PHYHIPL: variants seen among roughly 807,000 people sequenced by gnomAD.
The protein encoded by PHYHIPL is phytanoyl-CoA hydroxylase-interacting protein-like.
Under a neutral mutation model 33.4 loss-of-function variants are expected in PHYHIPL, and 9 were observed. That is an observed-to-expected ratio of 0.27 (90% CI 0.16 to 0.47). The LOEUF is 0.47. Among genes scored for constraint, PHYHIPL ranks in the 20% least tolerant of loss-of-function variants. PHYHIPL has a pLI of 0.99. For synonymous variants in PHYHIPL, 153 were observed against 154.1 expected, an observed-to-expected ratio of 0.99 and a Z score of 0.05; for missense variants, 365 against 460.7, an observed-to-expected ratio of 0.79 and a Z score of 1.90.
At chr10:59,184,155 G>A (rs1370751650) in intron 1 of PHYHIPL, among the ~76,000 whole-genome samples, 1 of 152,130 alleles carries the variant, frequency 6.6e-6, no homozygotes, top group Non-Finnish European at 1.5e-5. Flanking sequence ...ACAGGGGCGT[G>A]CATGTTATGT....
chr10:59,188,987 C>G (rs1336407687), intron 1 of PHYHIPL, among the ~76,000 whole-genome samples: 1 of 151,976 alleles, frequency 6.6e-6, no homozygotes, highest in Non-Finnish European at 1.5e-5. Flanking sequence ...TCCAGGTACA[C>G]TTATAATTCT....
Position 59,245,687 on chromosome 10 carries a change from GCATGCA to G in PHYHIPL, c.*102_*107del. On this transcript the variant is annotated 3_prime_UTR_variant, in exon 5 of 5. Transcript: ENST00000373880. Reference sequence around the variant, plus strand: ...TTATCACCAGATGTTTTCCACTGAAGCATGCACATGCCACTGTCACCAAAACAAACA... The same window carrying G: ...TTATCACCAGATGTTTTCCACTGAAGCATGCCACTGTCACCAAAACAAACA... The G allele has an allele frequency of 1.5e-6, 2 of 1,298,858 alleles. No individual in the cohort carries two copies. The highest frequency in any genetic ancestry group is 3.0e-5 in the South Asian group (2 of 67,756). 80.5% of individuals were successfully genotyped at this position (1,298,858 alleles called of 1,614,324 possible). A position where few individuals can be genotyped will look rare whatever the true frequency, so the allele number is the denominator to read the frequency against.
chr10:59,202,623 A>G (rs1333786909), intron 1 of PHYHIPL, among the ~76,000 whole-genome samples: 3 of 152,186 alleles, frequency 2.0e-5, no homozygotes, highest in Non-Finnish European at 4.4e-5. Flanking sequence ...ATAGTATTAC[A>G]TTTTATAACC....
intron 1 of PHYHIPL, among the ~76,000 whole-genome samples, chr10:59,199,717 C>G (rs558877654): frequency 2.6e-5 from 4 of 152,190 alleles, no homozygotes; most frequent in African/African-American, 9.6e-5. Flanking sequence ...TTGTTTGTAT[C>G]CTCTTTTATT....
chr10:59,205,902 C>T (rs1589273648), intron 1 of PHYHIPL, among the ~76,000 whole-genome samples: 1 of 152,090 alleles, frequency 6.6e-6, no homozygotes, highest in Non-Finnish European at 1.5e-5. Flanking sequence ...GTAAGTTTAG[C>T]CTGTCTTCGG....
chr10:59,209,114 G>C (rs1839371446), intron 1 of PHYHIPL, among the ~76,000 whole-genome samples: 1 of 151,930 alleles, frequency 6.6e-6, no homozygotes, highest in Non-Finnish European at 1.5e-5. Context: ...GCAACTCCAA[G>C]ACACATAATT....
In PHYHIPL at chr10:59,247,494, T is replaced by G; in HGVS notation, c.*1903T>G. The G allele has an allele frequency of 8.1e-7, 1 of 1,234,038 alleles. No homozygotes were observed. The highest frequency in any genetic ancestry group is 1.2e-6 in the Non-Finnish European group (1 of 860,750). The allele number at this position is 1,234,038 out of a possible 1,614,324, so 76.4% of individuals were successfully genotyped here. On this transcript the variant is annotated 3_prime_UTR_variant, in exon 5 of 5. Coordinates refer to ENST00000373880, the MANE Select transcript of PHYHIPL (RefSeq NM_032439.4). ...CTTGCTATTCCTTCTTAAAAACAGC[T>G]AATACTACCACTAAAGTGCTTCCAT...
At chr10:59,233,254 A>G (rs377366866) in intron 1 of PHYHIPL, among the ~76,000 whole-genome samples, 1 of 151,940 alleles carries the variant, frequency 6.6e-6, no homozygotes, top group African/African-American at 2.4e-5. Context: ...AAAAGTTTGT[A>G]TCAATGACTG....
rs575057947 is a variant in PHYHIPL, at chr10:59,179,442, G to C, written c.106+2483G>C. Among the ~76,000 whole-genome samples the C allele has an allele frequency of 3.3e-5, 5 of 152,042 alleles. No homozygotes were observed. The East Asian group carries it at 9.7e-4, about 29-fold the overall frequency. On this transcript the variant is annotated intron_variant, in intron 1 of 4. Transcript: ENST00000373880. Reference sequence around the variant, plus strand: ...ATTTATGATAGAATACATTTATTTTGTTTGCTCTTTTCTCACTTTCTTTTA... The same window carrying C: ...ATTTATGATAGAATACATTTATTTTCTTTGCTCTTTTCTCACTTTCTTTTA...
intron 2 of PHYHIPL, among the ~76,000 whole-genome samples, chr10:59,235,360 T>G (rs576846753): frequency 6.0e-4 from 91 of 152,066 alleles, no homozygotes; most frequent in Non-Finnish European, 1.2e-3. Context: ...AATTAACAGT[T>G]ATCTGCTTTA....
chr10:59,183,227 C>T (rs190612343), intron 1 of PHYHIPL, among the ~76,000 whole-genome samples: 1 of 152,072 alleles, frequency 6.6e-6, no homozygotes, highest in East Asian at 1.9e-4. Context: ...AAACTAACCA[C>T]TTAATAGTTT....
intron 4 of PHYHIPL, among the ~76,000 whole-genome samples, chr10:59,243,037 A>G (rs931115489): frequency 1.3e-5 from 2 of 152,176 alleles, no homozygotes; most frequent in African/African-American, 2.4e-5. Context: ...CAACATAAAC[A>G]TACAGATTCA....
rs1427752880 is a variant in PHYHIPL at position 59,245,156 on chromosome 10, C to T, written c.696C>T (p.Cys232=). Residue 232 remains cysteine (C), a synonymous_variant, in exon 5 of 5, where the codon TGC becomes TGT. Transcript: ENST00000373880. ...AATTAGAAGGCATCTTCTTCAGCTG[C>T]AGCACTGAATTCAATACTGGAAAGC... ...SGKLEGIFFS[C]STEFNTGKPP... The T allele has an allele frequency of 6.2e-7, 1 of 1,614,126 alleles. No individual in the cohort carries two copies. The highest frequency in any genetic ancestry group is 8.5e-7 in the Non-Finnish European group (1 of 1,180,012).
chr10:59,240,636 G>A (rs551575751), intron 4 of PHYHIPL, among the ~76,000 whole-genome samples: 6 of 151,898 alleles, frequency 4.0e-5, no homozygotes, highest in African/African-American at 9.7e-5. Context: ...TATTTGTTAC[G>A]CATAAAATTT....
chr10:59,194,017 A>C (rs1767589409), intron 1 of PHYHIPL, among the ~76,000 whole-genome samples: 1 of 151,682 alleles, frequency 6.6e-6, no homozygotes, highest in African/African-American at 2.4e-5. Context: ...AATACAATTT[A>C]GCTACTTCTT....
At chr10:59,201,650 GC>G (rs1410353314) in intron 1 of PHYHIPL, among the ~76,000 whole-genome samples, 2 of 152,038 alleles carry the variant, frequency 1.3e-5, no homozygotes, top group Admixed American at 6.6e-5. Flanking sequence ...CAGTTCTTGG[GC>G]CAATCCTAAT....
intron 1 of PHYHIPL, among the ~76,000 whole-genome samples, chr10:59,219,883 T>C (rs1020998824): frequency 2.0e-5 from 3 of 152,080 alleles, no homozygotes; most frequent in African/African-American, 7.2e-5. Context: ...AAACACAAAA[T>C]ACAGGTCCCT....
chr10:59,239,712 A>C (rs1178054679), intron 4 of PHYHIPL, among the ~76,000 whole-genome samples: 1 of 152,056 alleles, frequency 6.6e-6, no homozygotes, highest in Non-Finnish European at 1.5e-5. Flanking sequence ...TTTGTAGAAG[A>C]AAATTTGAAG....
chr10:59,241,798 C>G (rs1479405847), intron 4 of PHYHIPL, among the ~76,000 whole-genome samples: 1 of 152,102 alleles, frequency 6.6e-6, no homozygotes, highest in East Asian at 1.9e-4. Context: ...TTACTCTTCA[C>G]TCAAGAAACA....
Sources: allele counts gnomAD v4.1 joint callset (sites outside exome capture counted in the v4.1 genomes callset), GRCh38; gene constraint gnomAD v4.1.1; transcripts MANE v1.5; gene names NCBI Gene and HGNC (gene_info 2026-07-23, HGNC 2026-07-21).